Variants in INSC observed in about 807,000 individuals in gnomAD.
INSC encodes the protein protein inscuteable homolog.
INSC carries 67 observed loss-of-function variants against 58.6 expected under a neutral mutation model. That is an observed-to-expected ratio of 1.14 (90% CI 0.94 to 1.40). The LOEUF (loss-of-function observed/expected upper bound fraction) is 1.40, where lower values mean the gene tolerates loss of function less well. Ranked by LOEUF, INSC falls within the 40% of genes most tolerant of loss-of-function variation. The pLI is 0.00. For missense variants in INSC, 714 were observed against 692.0 expected, an observed-to-expected ratio of 1.03 and a Z score of -0.36; for synonymous variants, 262 against 276.1, an observed-to-expected ratio of 0.95 and a Z score of 0.51.
chr11:15,210,203 T>G (rs1290866847), intron 7 of INSC, among the ~76,000 whole-genome samples: 1 of 152,224 alleles, frequency 6.6e-6, no homozygotes, highest in Non-Finnish European at 1.5e-5. Context: ...CATTTGCCAC[T>G]GATTTGCTAA....
intron 9 of INSC, among the ~76,000 whole-genome samples, chr11:15,231,125 T>G (rs1851908257): frequency 6.6e-6 from 1 of 152,226 alleles, no homozygotes; most frequent in African/African-American, 2.4e-5. Flanking sequence ...TCCTGGGCTC[T>G]CTTGCCTCTC....
At chr11:15,145,403 A>G (rs963214442) in intron 1 of INSC, among the ~76,000 whole-genome samples, 8 of 152,112 alleles carry the variant, frequency 5.3e-5, no homozygotes, top group Non-Finnish European at 8.8e-5. Context: ...CTTGTCTTGA[A>G]CTCAGTTTTG....
At chr11:15,259,308 A>T in the INSC span, among the ~76,000 whole-genome samples, 597 of 152,276 alleles carry the variant, frequency 3.9e-3, 3 homozygotes, top group African/African-American at 0.014. Context: ...TAATAGCTGG[A>T]GTTTGTTTGA....
chr11:15,174,326 C>T (rs575299010), intron 2 of INSC, among the ~76,000 whole-genome samples: 26 of 152,172 alleles, frequency 1.7e-4, no homozygotes, highest in African/African-American at 6.0e-4. Flanking sequence ...GAGGTCTACT[C>T]CCCCACCCAC....
chr11:15,244,976 A>T (rs1231291801), intron 12 of INSC, among the ~76,000 whole-genome samples: 1 of 152,152 alleles, frequency 6.6e-6, no homozygotes, highest in African/African-American at 2.4e-5. Context: ...GCAGATCTCA[A>T]TATTAAAGCA....
intron 7 of INSC, among the ~76,000 whole-genome samples, chr11:15,215,425 G>T (rs962700548): frequency 6.6e-6 from 1 of 152,190 alleles, no homozygotes; most frequent in African/African-American, 2.4e-5. Context: ...CCCATCATGG[G>T]AACTAAGCTG....
rs1564866343 is a variant in INSC at position 15,142,763 on chromosome 11, G to C, written c.-45-6367G>C. On this transcript the variant is annotated intron_variant, in intron 1 of 12. Transcript: ENST00000379556. Reference sequence around the variant, plus strand: ...GAACTCAGGAGGGACATGCAGCTTTGTCTCAGTGGATATTAGGATGCAGAG... The same window carrying C: ...GAACTCAGGAGGGACATGCAGCTTTCTCTCAGTGGATATTAGGATGCAGAG... Among the ~76,000 whole-genome samples the C allele has an allele frequency of 3.3e-5, 5 of 151,982 alleles. No homozygotes were observed. In the South Asian group the frequency reaches 1.0e-3, roughly 32 times the overall value.
At chr11:15,141,637 G>A (rs1208014615) in intron 1 of INSC, among the ~76,000 whole-genome samples, 3 of 152,260 alleles carry the variant, frequency 2.0e-5, no homozygotes, top group Non-Finnish European at 2.9e-5. Context: ...CCCTGGGAAC[G>A]AGGGGTGTTA....
the INSC span, among the ~76,000 whole-genome samples, chr11:15,257,112 G>C: frequency 2.0e-5 from 3 of 152,142 alleles, no homozygotes; most frequent in African/African-American, 7.2e-5. Flanking sequence ...ACCTGCTGAG[G>C]CCTGAAATTA....
upstream of INSC, among the ~76,000 whole-genome samples, chr11:15,112,024 T>A (rs911385056): frequency 6.6e-6 from 1 of 152,222 alleles, no homozygotes; most frequent in Non-Finnish European, 1.5e-5. Flanking sequence ...TGTGTCTGGA[T>A]GTGTCTGGAT....
intron 2 of INSC, among the ~76,000 whole-genome samples, chr11:15,172,853 G>A (rs544120739): frequency 6.6e-6 from 1 of 151,920 alleles, no homozygotes; most frequent in African/African-American, 2.4e-5. Context: ...CCATATCACG[G>A]AAGCTCTCTC....
downstream of INSC, among the ~76,000 whole-genome samples, chr11:15,248,188 CA>C (rs1433346304): frequency 6.6e-6 from 1 of 152,052 alleles, no homozygotes; most frequent in Non-Finnish European, 1.5e-5. Context: ...TGGCATGTAC[CA>C]GGGGTCAGAA....
intron 12 of INSC, among the ~76,000 whole-genome samples, chr11:15,243,778 C>T (rs1267533015): frequency 2.0e-5 from 3 of 151,882 alleles, no homozygotes; most frequent in Admixed American, 6.6e-5. Context: ...ACTCCTTTCT[C>T]TCCTTCTCTA....
intron 5 of INSC, among the ~76,000 whole-genome samples, chr11:15,184,879 AT>A (rs566422189): frequency 6.6e-6 from 1 of 152,246 alleles, no homozygotes; most frequent in South Asian, 2.1e-4. Context: ...AAGAATAAAA[AT>A]ATTTTATTAA....
At chr11:15,195,998 TTCCTAC>T (rs1850355801) in intron 6 of INSC, among the ~76,000 whole-genome samples, 1 of 152,362 alleles carries the variant, frequency 6.6e-6, no homozygotes, top group East Asian at 1.9e-4. Context: ...TAGTCATCAC[TTCCTAC>T]ATTTCTGTCC....
At chr11:15,236,915 T>C (rs1366055413) in intron 10 of INSC, among the ~76,000 whole-genome samples, 2 of 152,202 alleles carry the variant, frequency 1.3e-5, no homozygotes, top group Non-Finnish European at 1.5e-5. Context: ...ATGAGAAACT[T>C]TGCTGAGCCA....
chr11:15,171,515 C>T (rs1166366043), intron 2 of INSC, among the ~76,000 whole-genome samples: 1 of 152,140 alleles, frequency 6.6e-6, no homozygotes, highest in African/African-American at 2.4e-5. Context: ...CCTTTGACTG[C>T]CTCACCCTGG....
At chr11:15,205,031 T>C (rs1359564286) in intron 7 of INSC, among the ~76,000 whole-genome samples, 1 of 152,162 alleles carries the variant, frequency 6.6e-6, no homozygotes, top group Non-Finnish European at 1.5e-5. Flanking sequence ...CATGGTCTCA[T>C]TCATTCACTC....
downstream of INSC, among the ~76,000 whole-genome samples, chr11:15,250,527 A>T (rs532227733): frequency 6.6e-6 from 1 of 152,132 alleles, no homozygotes; most frequent in African/African-American, 2.4e-5. Flanking sequence ...AGAATCCTCC[A>T]TTATTGCTCA....
Sources: gnomAD v4.1 joint callset for allele counts (sites outside exome capture counted in the v4.1 genomes callset) on GRCh38, gnomAD v4.1.1 for gene constraint, MANE v1.5 for transcripts, NCBI Gene and HGNC (gene_info 2026-07-23, HGNC 2026-07-21) for gene names.